NR6A1: variants seen among roughly 807,000 people sequenced by gnomAD.
NR6A1 encodes retinoic acid receptor-related testis-associated receptor.
In NR6A1, 7 loss-of-function variants were observed where a neutral mutation model predicts 59.1. That is an observed-to-expected ratio of 0.12 (90% CI 0.07 to 0.22). The LOEUF (loss-of-function observed/expected upper bound fraction) is 0.22. NR6A1 is among the 10% of genes least tolerant of loss of function. The pLI, the probability that NR6A1 is intolerant of heterozygous loss-of-function variation, is 1.00. For missense variants in NR6A1, 468 were observed against 611.6 expected (o/e 0.77, Z 2.48); for synonymous variants, 243 against 236.1 (o/e 1.03, Z -0.27).
At chr9:124,656,601 G>A (rs1245286319) in intron 2 of NR6A1, among the ~76,000 whole-genome samples, 1 of 152,132 alleles carries the variant, frequency 6.6e-6, no homozygotes, top group African/African-American at 2.4e-5. Flanking sequence ...GGAGGCCAAG[G>A]TGGGTGGATC....
At chr9:124,537,070 ATT>A (rs111541971) in intron 6 of NR6A1, among the ~76,000 whole-genome samples, 41 of 136,588 alleles carry the variant, frequency 3.0e-4, no homozygotes, top group African/African-American at 4.6e-4. Flanking sequence ...CCACATCTAA[ATT>A]TTTTTTTTTT....
At chr9:124,660,270 C>T (rs529948086) in intron 2 of NR6A1, among the ~76,000 whole-genome samples, 1 of 152,208 alleles carries the variant, frequency 6.6e-6, no homozygotes, top group South Asian at 2.1e-4. Context: ...AATAGCTAGC[C>T]TTATTTTGGG....
intron 2 of NR6A1, among the ~76,000 whole-genome samples, chr9:124,589,732 C>A (rs1028205800): frequency 2.6e-5 from 4 of 152,066 alleles, no homozygotes; most frequent in African/African-American, 7.2e-5. Context: ...ATAAATATAT[C>A]TGATACTTAA....
At chr9:124,577,462 C>G (rs1834634967) in intron 2 of NR6A1, among the ~76,000 whole-genome samples, 1 of 152,188 alleles carries the variant, frequency 6.6e-6, no homozygotes, top group African/African-American at 2.4e-5. Context: ...TTATATATCT[C>G]AGTCCTTTGT....
chr9:124,681,975 T>TTTTTG lies in NR6A1; in HGVS notation c.142+51328_142+51332dup, dbSNP rs528560838. Reference sequence around the variant, plus strand: ...TTCCATACCGCAACTAACCTTTGTTTTTTTGTTTTGTTTTGTTTTGTTTTT... The same window carrying TTTTTG: ...TTCCATACCGCAACTAACCTTTGTTTTTTTGTTTTGTTTTGTTTTGTTTTGTTTTT... On this transcript the variant is annotated intron_variant, in intron 2 of 9. Coordinates refer to ENST00000487099, the MANE Select transcript of NR6A1 (RefSeq NM_033334.4). 3.5e-3 allele frequency among the ~76,000 whole-genome samples: 532 copies of TTTTTG among 151,864 alleles called. 4 individuals carry two copies. Among genetic ancestry groups the TTTTTG allele is most frequent in the Middle Eastern group, 0.034 (10 of 292 alleles).
intron 2 of NR6A1, among the ~76,000 whole-genome samples, chr9:124,591,975 A>C (rs1835136604): frequency 6.6e-6 from 1 of 152,246 alleles, no homozygotes; most frequent in Admixed American, 6.5e-5. Context: ...TCTTGCAAAT[A>C]GATTAATTTC....
At chr9:124,574,418 T>C (rs1038483706) in intron 2 of NR6A1, among the ~76,000 whole-genome samples, 16 of 152,336 alleles carry the variant, frequency 1.1e-4, no homozygotes, top group Non-Finnish European at 2.1e-4. Flanking sequence ...AGCAGAGTCA[T>C]TTAACTCCTT....
chr9:124,678,637 A>G (rs1300965540), intron 2 of NR6A1, among the ~76,000 whole-genome samples: 9 of 152,200 alleles, frequency 5.9e-5, no homozygotes, highest in Admixed American at 5.9e-4. Context: ...ATGACTTGAG[A>G]GAAATGCTCC....
At chr9:124,699,720 GCAT>G (rs920768901) in intron 2 of NR6A1, among the ~76,000 whole-genome samples, 1 of 152,106 alleles carries the variant, frequency 6.6e-6, no homozygotes, top group Non-Finnish European at 1.5e-5. Flanking sequence ...ACTTGTGCAA[GCAT>G]CACCAAAATC....
Position 124,538,081 on chromosome 9 carries a change from A to C in NR6A1, c.824+11T>G, listed in dbSNP as rs375098261. ...GACTGCAAGGGGCCAAGAAGGGCGG[A>C]GCTCACTCACCCATCTTCAATCAAC... On this transcript the variant is annotated intron_variant, in intron 6 of 9. Transcript: ENST00000487099. 6.9e-6 allele frequency: 11 copies of C among 1,593,800 alleles called. No homozygotes were observed. Among genetic ancestry groups the C allele is most frequent in the Non-Finnish European group, 9.4e-6 (11 of 1,168,690 alleles).
At chr9:124,610,751 G>A (rs1275821600) in intron 2 of NR6A1, among the ~76,000 whole-genome samples, 1 of 152,098 alleles carries the variant, frequency 6.6e-6, no homozygotes, top group Non-Finnish European at 1.5e-5. Context: ...TGGTTGGAAG[G>A]CTATTTATTA....
At chr9:124,562,990 G>C (rs749435955) in intron 2 of NR6A1, among the ~76,000 whole-genome samples, 3 of 152,150 alleles carry the variant, frequency 2.0e-5, no homozygotes, top group Non-Finnish European at 4.4e-5. Flanking sequence ...GTACAATCTG[G>C]GGTCTTGTTT....
intron 2 of NR6A1, among the ~76,000 whole-genome samples, chr9:124,680,356 A>G (rs1838107004): frequency 6.6e-6 from 1 of 152,194 alleles, no homozygotes; most frequent in South Asian, 2.1e-4. Flanking sequence ...CCCACATAGT[A>G]ACAATATTGT....
intron 2 of NR6A1, among the ~76,000 whole-genome samples, chr9:124,713,767 G>A (rs1280745104): frequency 3.3e-5 from 5 of 152,148 alleles, no homozygotes; most frequent in Admixed American, 2.0e-4. Flanking sequence ...TGGAGAAATT[G>A]GAACCCTAGA....
chr9:124,734,870 T>G (rs1839978522), intron 1 of NR6A1, among the ~76,000 whole-genome samples: 1 of 152,032 alleles, frequency 6.6e-6, no homozygotes, highest in Non-Finnish European at 1.5e-5. Flanking sequence ...TGATACGGAG[T>G]TTTGCTCTAT....
At chr9:124,685,031 G>A (rs1838287521) in intron 2 of NR6A1, among the ~76,000 whole-genome samples, 1 of 151,992 alleles carries the variant, frequency 6.6e-6, no homozygotes, top group Admixed American at 6.6e-5. Flanking sequence ...GAGACAGAGT[G>A]GTATAATTAT....
chr9:124,698,657 C>T (rs973885982), intron 2 of NR6A1: 1 of 151,970 alleles, frequency 6.6e-6, no homozygotes, highest in Non-Finnish European at 1.5e-5. Flanking sequence ...TTTTATCAAA[C>T]GAATTTTCTT....
At chr9:124,526,079 A>G (rs1421241108) in intron 8 of NR6A1, among the ~76,000 whole-genome samples, 1 of 152,224 alleles carries the variant, frequency 6.6e-6, no homozygotes, top group Admixed American at 6.5e-5. Context: ...GGACGAGGGC[A>G]CTTGCAATGC....
chr9:124,626,690 C>G (rs1156785507), intron 2 of NR6A1, among the ~76,000 whole-genome samples: 1 of 152,034 alleles, frequency 6.6e-6, no homozygotes, highest in Non-Finnish European at 1.5e-5. Context: ...AATCCCAGCA[C>G]TTTGGGAGGC....
Sources: allele counts gnomAD v4.1 joint callset (sites outside exome capture counted in the v4.1 genomes callset), GRCh38; gene constraint gnomAD v4.1.1; transcripts MANE v1.5; gene names NCBI Gene and HGNC (gene_info 2026-07-23, HGNC 2026-07-21).